Variants in TTC19 observed in about 807,000 individuals in gnomAD.
TTC19 encodes the protein tetratricopeptide repeat protein 19, mitochondrial.
Under a neutral mutation model 49.5 loss-of-function variants are expected in TTC19, and 38 were observed. The observed-to-expected ratio is 0.77, with a 90% CI of 0.59 to 1.01. TTC19 has a LOEUF of 1.01. Ranked by LOEUF, TTC19 falls within the 50% of genes least tolerant of loss-of-function variation. The pLI, the probability that TTC19 is intolerant of heterozygous loss-of-function variation, is 0.00. For missense variants in TTC19, 475 were observed against 477.7 expected, an observed-to-expected ratio of 0.99 and a Z score of 0.05; for synonymous variants, 204 against 185.2, an observed-to-expected ratio of 1.10 and a Z score of -0.83.
chr17:16,005,397 C>T (rs114737461), intron 6 of TTC19, among the ~76,000 whole-genome samples: 1,620 of 152,264 alleles, frequency 0.011, 36 homozygotes, highest in African/African-American at 0.037. Context: ...TTCTGTTCTT[C>T]TGAGAACAGA....
At chr17:16,041,231 A>G (rs754788176) in intron 2 of TTC19, 1 of 152,222 alleles carries the variant, frequency 6.6e-6, no homozygotes, top group Non-Finnish European at 1.5e-5. Context: ...TGATAACAGC[A>G]TAAGACCTGG....
At chr17:16,027,321 C>A (rs1971597143) in intron 9 of TTC19, 53 bp from the exon 10 acceptor site, 1 of 1,604,756 alleles carries the variant, frequency 6.2e-7, no homozygotes, top group Non-Finnish European at 8.5e-7. Flanking sequence ...TTCAGAATCA[C>A]CTTGAAAACA....
At chr17:16,014,394 T>A (rs1407306819) in intron 7 of TTC19, among the ~76,000 whole-genome samples, 1 of 152,232 alleles carries the variant, frequency 6.6e-6, no homozygotes, top group East Asian at 1.9e-4. Flanking sequence ...AAGATCTTTG[T>A]AATAGTGAGC....
exon 3 of TTC19, chr17:16,044,838 G>T: frequency 9.6e-7 from 1 of 1,039,954 alleles, no homozygotes. Flanking sequence ...CCAGCAGCTG[G>T]TGCTGCACCA....
At chr17:16,024,694 A>T (rs141006905) in intron 7 of TTC19, 2 of 352,530 alleles carry the variant, frequency 5.7e-6, no homozygotes, top group East Asian at 1.4e-4. Flanking sequence ...TTTTTCTTAT[A>T]CCATACAGGT....
At chr17:16,027,328 A>G in intron 9 of TTC19, 46 bp from the exon 10 acceptor site, 1 of 1,609,804 alleles carries the variant, frequency 6.2e-7, no homozygotes. Context: ...TCACCTTGAA[A>G]ACATACACTT....
intron 6 of TTC19, among the ~76,000 whole-genome samples, chr17:16,005,788 C>T (rs1427676004): frequency 2.0e-5 from 3 of 152,150 alleles, no homozygotes; most frequent in African/African-American, 7.2e-5. Context: ...TTGGAATCCT[C>T]ACTGTAGGGC....
intron 6 of TTC19, 27 bp downstream of exon 6, chr17:16,004,289 C>G: frequency 6.2e-7 from 1 of 1,606,708 alleles, no homozygotes; most frequent in South Asian, 1.1e-5. Context: ...GGGAGTAGGA[C>G]TGTGGGCAGG....
intron 7 of TTC19, chr17:16,024,351 AGT>A (rs1461021285): frequency 1.3e-5 from 2 of 151,580 alleles, no homozygotes; most frequent in African/African-American, 4.9e-5. Flanking sequence ...GCTGGAGTGC[AGT>A]GGTGTGATCT....
intron 2 of TTC19, among the ~76,000 whole-genome samples, chr17:16,043,649 G>A (rs899912971): frequency 1.3e-5 from 2 of 152,202 alleles, no homozygotes; most frequent in African/African-American, 4.8e-5. Context: ...CACTTTAAGG[G>A]TAAGACAAAG....
intron 2 of TTC19, among the ~76,000 whole-genome samples, chr17:16,042,125 A>C (rs1391904164): frequency 6.7e-6 from 1 of 148,436 alleles, no homozygotes; most frequent in Non-Finnish European, 1.5e-5. Context: ...TGTGCCTAGA[A>C]ACAAACTTGG....
intron 3 of TTC19, 90 bp downstream of exon 3, chr17:16,002,115 T>C: frequency 1.1e-6 from 1 of 882,822 alleles, no homozygotes; most frequent in Non-Finnish European, 1.9e-6. Flanking sequence ...TTCCTGACTT[T>C]CACGATGTTC....
chr17:16,039,386 C>T, intron 2 of TTC19: 10 of 1,581,482 alleles, frequency 6.3e-6, no homozygotes, highest in Non-Finnish European at 8.6e-6. Flanking sequence ...AATAAACTGG[C>T]TTTTTTGGGG....
chr17:16,044,704 C>G (rs965073342), exon 3 of TTC19: 7 of 702,290 alleles, frequency 1.0e-5, no homozygotes, highest in African/African-American at 3.5e-5. Context: ...AGGATAAGAT[C>G]AATGCCCTCG....
At chr17:16,008,579 T>C (rs1446424078) in intron 7 of TTC19, among the ~76,000 whole-genome samples, 5 of 152,148 alleles carry the variant, frequency 3.3e-5, no homozygotes. Context: ...AAATTTAGAA[T>C]CCCTGCATGG....
intron 7 of TTC19, among the ~76,000 whole-genome samples, chr17:16,011,465 G>A (rs146546256): frequency 0.012 from 1,813 of 152,320 alleles, 41 homozygotes; most frequent in African/African-American, 0.041. Context: ...GAGCCACCGC[G>A]CCCGGCCGCG....
chr17:16,021,643 T>C (rs1462186193), intron 7 of TTC19, among the ~76,000 whole-genome samples: 2 of 152,134 alleles, frequency 1.3e-5, no homozygotes, highest in African/African-American at 4.8e-5. Context: ...GGGAAAAAAA[T>C]TACAGACAAA....
At chr17:16,002,985 G>T (rs1228180218) in intron 4 of TTC19, among the ~76,000 whole-genome samples, 154 bp downstream of exon 4, 3 of 152,164 alleles carry the variant, frequency 2.0e-5, no homozygotes, top group East Asian at 3.8e-4. Context: ...TATTGTGTTA[G>T]TCCAGAGATA....
rs368141145 is a variant in TTC19, at chr17:16,023,028, TTAAG to T, written c.677-1985_677-1982del. On this transcript the variant is annotated intron_variant, in intron 7 of 9. Coordinates refer to ENST00000261647, the MANE Select transcript of TTC19 (RefSeq NM_017775.4). Reference sequence around the variant, plus strand: ...ATATTAATATTTCAAAGAACCATGTTTAAGTAAATTACTAGCAAAGGAACTCTTT... The same window carrying T: ...ATATTAATATTTCAAAGAACCATGTTTAAATTACTAGCAAAGGAACTCTTT... 6.8e-4 allele frequency among the ~76,000 whole-genome samples: 103 copies of T among 152,288 alleles called. 2 individuals are homozygous for T. In the East Asian group the frequency reaches 0.018, roughly 27 times the overall value.
Sources: gnomAD v4.1 joint callset for allele counts (sites outside exome capture counted in the v4.1 genomes callset) on GRCh38, gnomAD v4.1.1 for gene constraint, MANE v1.5 for transcripts, NCBI Gene and HGNC (gene_info 2026-07-23, HGNC 2026-07-21) for gene names.